The following ERBB4 variants were observed in gnomAD, a reference collection of about 807,000 sequenced individuals.
ERBB4 encodes the protein receptor tyrosine-protein kinase erbB-4.
A neutral mutation model predicts 158.0 loss-of-function variants in ERBB4; 42 were observed. That is an observed-to-expected ratio of 0.27 (90% confidence interval 0.21 to 0.34). ERBB4 has a LOEUF of 0.34. ERBB4 is among the 10% of genes least tolerant of loss of function. The probability of loss-of-function intolerance (pLI) is 1.00; values close to 1 mark genes in which losing one functional copy is unlikely to be tolerated. For missense variants in ERBB4, 1,333 were observed against 1,624.1 expected (o/e 0.82, Z 3.08); for synonymous variants, 583 against 558.7 (o/e 1.04, Z -0.61).
At chr2:211,601,218 G>A (rs1056731750) in intron 19 of ERBB4, among the ~76,000 whole-genome samples, 17 of 151,896 alleles carry the variant, frequency 1.1e-4, no homozygotes, top group East Asian at 5.8e-4. Context: ...CAATAACTGC[G>A]AAGGAAAAGT....
At chr2:212,288,295 T>G (rs531895056) in intron 1 of ERBB4, among the ~76,000 whole-genome samples, 6 of 152,074 alleles carry the variant, frequency 3.9e-5, no homozygotes, top group Non-Finnish European at 8.8e-5. Flanking sequence ...CACGGGACAA[T>G]GGCAAAAGGA....
intron 3 of ERBB4, among the ~76,000 whole-genome samples, chr2:211,933,001 T>C (rs1482465159): frequency 3.9e-5 from 6 of 152,058 alleles, no homozygotes; most frequent in Non-Finnish European, 7.4e-5. Flanking sequence ...AATTATGCAC[T>C]GGTGATCTTC....
intron 1 of ERBB4, among the ~76,000 whole-genome samples, chr2:212,202,148 C>T (rs190866718): frequency 1.2e-4 from 19 of 152,064 alleles, no homozygotes; most frequent in African/African-American, 4.3e-4. Context: ...CATCATTCTC[C>T]CTCCCTTCAT....
At chr2:212,138,855 G>T (rs558851511) in intron 1 of ERBB4, among the ~76,000 whole-genome samples, 1 of 151,996 alleles carries the variant, frequency 6.6e-6, no homozygotes, top group Non-Finnish European at 1.5e-5. Context: ...ACTTAATAAC[G>T]ATATGATTGA....
intron 1 of ERBB4, among the ~76,000 whole-genome samples, chr2:212,227,517 C>T (rs13415721): frequency 0.5 from 75,366 of 151,818 alleles, 19,129 homozygotes; most frequent in East Asian, 0.76. Context: ...AGATAATCAA[C>T]GATTAATTTG....
At chr2:211,866,457 C>A (rs1459561596) in intron 3 of ERBB4, among the ~76,000 whole-genome samples, 2 of 152,022 alleles carry the variant, frequency 1.3e-5, no homozygotes, top group Admixed American at 1.3e-4. Context: ...AATCTAAGCT[C>A]TACAATACTA....
At chr2:212,269,830 C>T (rs191525430) in intron 1 of ERBB4, among the ~76,000 whole-genome samples, 6 of 151,856 alleles carry the variant, frequency 4.0e-5, no homozygotes, top group Middle Eastern at 3.4e-3. Context: ...CTACTCTTTG[C>T]CTTGTTTCCT....
chr2:211,567,596 G>A (rs186828256), intron 19 of ERBB4, among the ~76,000 whole-genome samples: 15 of 152,250 alleles, frequency 9.9e-5, no homozygotes, highest in African/African-American at 3.6e-4. Flanking sequence ...ATTAAGAGGT[G>A]TAAAAAAGTC....
chr2:211,430,821 G>A, intron 21 of ERBB4, 124 bp downstream of exon 21: 1 of 837,390 alleles, frequency 1.2e-6, no homozygotes, highest in African/African-American at 1.7e-5. Context: ...AGAGGCAAAT[G>A]GTAGAACCAA....
At chr2:211,841,485 CT>C in intron 3 of ERBB4, among the ~76,000 whole-genome samples, 1 of 151,826 alleles carries the variant, frequency 6.6e-6, no homozygotes, top group African/African-American at 2.4e-5. Context: ...TAGGCCACAC[CT>C]TTTGAAATAT....
intron 3 of ERBB4, among the ~76,000 whole-genome samples, chr2:211,941,627 G>A (rs543100493): frequency 1.3e-5 from 2 of 151,672 alleles, no homozygotes; most frequent in East Asian, 3.9e-4. Flanking sequence ...CTTCCTGAGA[G>A]TAGACAAAGG....
chr2:212,403,033 A>G (rs1481180982), intron 1 of ERBB4, among the ~76,000 whole-genome samples: 1 of 152,090 alleles, frequency 6.6e-6, no homozygotes, highest in East Asian at 1.9e-4. Flanking sequence ...TTAGTCATTT[A>G]TTGGCTTTGT....
intron 20 of ERBB4, among the ~76,000 whole-genome samples, chr2:211,503,503 G>T (rs1574623245): frequency 6.6e-6 from 1 of 152,120 alleles, no homozygotes; most frequent in Non-Finnish European, 1.5e-5. Context: ...TGAGTGGTTT[G>T]TTGGCAGTCT....
intron 2 of ERBB4, among the ~76,000 whole-genome samples, chr2:212,096,224 AGAG>A (rs1477346811): frequency 6.6e-6 from 1 of 152,174 alleles, no homozygotes; most frequent in African/African-American, 2.4e-5. Flanking sequence ...ACAATGGTAT[AGAG>A]GAGGCAAAAT....
intron 5 of ERBB4, 40 bp downstream of exon 5, chr2:211,750,599 A>G (rs1559484795): frequency 6.5e-7 from 1 of 1,543,752 alleles, no homozygotes; most frequent in Admixed American, 1.7e-5. Flanking sequence ...AAATTCCTTG[A>G]CCACATCAAA....
chr2:211,874,554 G>T (rs1026656530), intron 3 of ERBB4, among the ~76,000 whole-genome samples: 1 of 152,260 alleles, frequency 6.6e-6, no homozygotes, highest in Admixed American at 6.5e-5. Context: ...ATCTGACCAT[G>T]AATCTTCTCT....
chr2:212,309,102 C>T (rs76697001), intron 1 of ERBB4, among the ~76,000 whole-genome samples: 2,930 of 150,966 alleles, frequency 0.019, 102 homozygotes, highest in African/African-American at 0.067. Flanking sequence ...GCTCACCTAA[C>T]ATCAGTGCAA....
intron 2 of ERBB4, among the ~76,000 whole-genome samples, chr2:211,992,563 GAGAGAA>G (rs897897295): frequency 5.9e-5 from 4 of 67,270 alleles, no homozygotes; most frequent in African/African-American, 1.3e-4. Context: ...GAGAGAGAGA[GAGAGAA>G]AAAAAAAAAA....
chr2:211,938,713 G>A (rs552805421), intron 3 of ERBB4, among the ~76,000 whole-genome samples: 39 of 152,138 alleles, frequency 2.6e-4, no homozygotes, highest in Admixed American at 5.2e-4. Flanking sequence ...CATGGCAGAC[G>A]GAGGGTAAAT....
Sources: allele counts gnomAD v4.1 joint callset (sites outside exome capture counted in the v4.1 genomes callset), GRCh38; gene constraint gnomAD v4.1.1; transcripts MANE v1.5; gene names NCBI Gene and HGNC (gene_info 2026-07-23, HGNC 2026-07-21).